The following SLC35F2 variants were observed in gnomAD, a reference collection of about 807,000 sequenced individuals.
The protein encoded by SLC35F2 is queuine/queuosine transporter SLC35F2.
In SLC35F2, 25 loss-of-function variants were observed where a neutral mutation model predicts 38.1. That is an observed-to-expected ratio of 0.66 (90% confidence interval 0.48 to 0.92). SLC35F2 has a LOEUF of 0.92. Among genes scored for constraint, SLC35F2 ranks in the 40% least tolerant of loss-of-function variants. The pLI, the probability that SLC35F2 is intolerant of heterozygous loss-of-function variation, is 0.00. For synonymous variants in SLC35F2, 173 were observed against 181.7 expected (o/e 0.95, Z 0.38); for missense variants, 409 against 452.9 (o/e 0.90, Z 0.88).
intron 1 of SLC35F2, among the ~76,000 whole-genome samples, chr11:107,842,212 C>T (rs1193766554): frequency 2.4e-5 from 3 of 125,072 alleles, no homozygotes; most frequent in Non-Finnish European, 4.7e-5. Context: ...GGCAAGATTG[C>T]GCCACTACAC....
chr11:107,841,435 G>A (rs1342457131), intron 1 of SLC35F2, among the ~76,000 whole-genome samples: 1 of 151,576 alleles, frequency 6.6e-6, no homozygotes, highest in African/African-American at 2.4e-5. Flanking sequence ...TGGTGGTGCA[G>A]ACCTGTAATC....
intron 1 of SLC35F2, among the ~76,000 whole-genome samples, chr11:107,832,304 A>T (rs1266330560): frequency 6.6e-6 from 1 of 152,186 alleles, no homozygotes; most frequent in Non-Finnish European, 1.5e-5. Context: ...GGTTTATTCT[A>T]TTCTGAATCT....
intron 7 of SLC35F2, among the ~76,000 whole-genome samples, chr11:107,794,205 C>G (rs1336555714): frequency 6.6e-6 from 1 of 151,814 alleles, no homozygotes; most frequent in Non-Finnish European, 1.5e-5. Context: ...CTCAGCCTCC[C>G]GAGTAGCTGG....
chr11:107,817,096 T>C (rs1003947237), intron 1 of SLC35F2, among the ~76,000 whole-genome samples: 2 of 151,820 alleles, frequency 1.3e-5, no homozygotes, highest in African/African-American at 4.8e-5. Flanking sequence ...GCCAACATGG[T>C]GAAACCGCGT....
chr11:107,812,047 G>C (rs112862257), intron 2 of SLC35F2, among the ~76,000 whole-genome samples: 2,582 of 152,122 alleles, frequency 0.017, 44 homozygotes, highest in South Asian at 0.073. Flanking sequence ...GACCACAGGC[G>C]TACGCCACCA....
At chr11:107,814,322 G>A (rs148248632) in intron 2 of SLC35F2, among the ~76,000 whole-genome samples, 1,901 of 152,076 alleles carry the variant, frequency 0.013, 59 homozygotes, top group African/African-American at 0.044. Context: ...AGGTGTGGTG[G>A]CACGTGCCTG....
chr11:107,811,708 TCA>T lies in SLC35F2; in HGVS notation c.371_372del (p.Val124AspfsTer70). 1.2e-6 allele frequency: 2 copies of T among 1,614,026 alleles called. No individual in the cohort carries two copies. Among genetic ancestry groups the T allele is most frequent in the Non-Finnish European group, 1.7e-6 (2 of 1,179,900 alleles). On this transcript the variant is annotated frameshift_variant, in exon 3 of 8. Coordinates refer to ENST00000525815, the MANE Select transcript of SLC35F2 (RefSeq NM_017515.5). LOFTEE classifies it high-confidence loss of function. ...GTTGTGTACTGGTAGGCTCTGACGA[TCA>T]CATAATTAGCTTCCACATCTGCTAG... ...LGLADVEANY[V>X]IVRAYQYTTL...
chr11:107,848,638 C>A (rs1384987496), intron 1 of SLC35F2, among the ~76,000 whole-genome samples: 1 of 152,178 alleles, frequency 6.6e-6, no homozygotes, highest in Non-Finnish European at 1.5e-5. Flanking sequence ...GGTCTCAGAC[C>A]TCCCAGCCTC....
At chr11:107,851,341 T>C (rs1860181980) in intron 1 of SLC35F2, among the ~76,000 whole-genome samples, 1 of 150,984 alleles carries the variant, frequency 6.6e-6, no homozygotes, top group Non-Finnish European at 1.5e-5. Flanking sequence ...CAGGCGCCTA[T>C]AATCCCAGCT....
chr11:107,797,588 A>G (rs1220762621), intron 7 of SLC35F2, among the ~76,000 whole-genome samples: 1 of 152,176 alleles, frequency 6.6e-6, no homozygotes, highest in Non-Finnish European at 1.5e-5. Context: ...AAAACTAAGT[A>G]ATTTTTTGAA....
intron 1 of SLC35F2, among the ~76,000 whole-genome samples, chr11:107,858,068 T>C (rs1860323520): frequency 6.6e-6 from 1 of 152,300 alleles, no homozygotes; most frequent in East Asian, 1.9e-4. Flanking sequence ...GCACAGAGCA[T>C]AGTGATACCA....
chr11:107,824,206 A>G (rs1449237000), intron 1 of SLC35F2, among the ~76,000 whole-genome samples: 1 of 152,220 alleles, frequency 6.6e-6, no homozygotes, highest in Non-Finnish European at 1.5e-5. Context: ...CCTCACAAAG[A>G]AGGCAAGTAA....
intron 1 of SLC35F2, among the ~76,000 whole-genome samples, chr11:107,830,583 C>CAA (rs66495434): frequency 0.33 from 31,323 of 95,186 alleles, 4,626 homozygotes; most frequent in Non-Finnish European, 0.42. Context: ...GACTCAGTCT[C>CAA]AAAAAAAAAA....
intron 1 of SLC35F2, among the ~76,000 whole-genome samples, chr11:107,820,759 C>A (rs1859655821): frequency 6.6e-6 from 1 of 152,098 alleles, no homozygotes; most frequent in Non-Finnish European, 1.5e-5. Flanking sequence ...AGTTCAAGAC[C>A]AACCTGGCTG....
intron 1 of SLC35F2, among the ~76,000 whole-genome samples, chr11:107,854,345 A>G (rs976633997): frequency 6.6e-6 from 1 of 151,702 alleles, no homozygotes; most frequent in African/African-American, 2.4e-5. Context: ...AGGTGGGAGG[A>G]TCACTTGAGC....
intron 1 of SLC35F2, among the ~76,000 whole-genome samples, chr11:107,826,618 T>A (rs1859758277): frequency 6.6e-6 from 1 of 152,212 alleles, no homozygotes; most frequent in Non-Finnish European, 1.5e-5. Flanking sequence ...TGTCTGACTA[T>A]ACCTTGTTTT....
At chr11:107,820,939 G>C (rs532498153) in intron 1 of SLC35F2, among the ~76,000 whole-genome samples, 108 of 152,242 alleles carry the variant, frequency 7.1e-4, no homozygotes, top group African/African-American at 2.5e-3. Context: ...CTGGGCAACA[G>C]AGCAAGACTC....
intron 7 of SLC35F2, among the ~76,000 whole-genome samples, chr11:107,795,839 A>C (rs1859208739): frequency 6.6e-6 from 1 of 152,228 alleles, no homozygotes; most frequent in African/African-American, 2.4e-5. Context: ...GATGTATAGA[A>C]AAGGAACTCT....
intron 1 of SLC35F2, among the ~76,000 whole-genome samples, chr11:107,843,493 T>C (rs1281604266): frequency 6.7e-6 from 1 of 150,182 alleles, no homozygotes; most frequent in African/African-American, 2.5e-5. Flanking sequence ...GAGATTACAG[T>C]GAGCCAAGAT....
Sources: gnomAD v4.1 joint callset for allele counts (sites outside exome capture counted in the v4.1 genomes callset) on GRCh38, gnomAD v4.1.1 for gene constraint, MANE v1.5 for transcripts, NCBI Gene and HGNC (gene_info 2026-07-23, HGNC 2026-07-21) for gene names.